The following BTBD16 variants were observed in gnomAD, a reference collection of about 807,000 sequenced individuals.
BTBD16 encodes BTB domain containing 16.
BTBD16 carries 66 observed loss-of-function variants against 67.4 expected under a neutral mutation model. That is an observed-to-expected ratio of 0.98 (90% CI 0.80 to 1.20). The LOEUF is 1.20. BTBD16 is among the 50% of genes most tolerant of loss of function. The pLI is 0.00. For synonymous variants in BTBD16, 242 were observed against 236.4 expected (o/e 1.02, Z -0.22); for missense variants, 634 against 616.0 (o/e 1.03, Z -0.31).
intron 10 of BTBD16, among the ~76,000 whole-genome samples, chr10:122,323,462 A>T (rs1469862205): frequency 6.6e-6 from 1 of 152,114 alleles, no homozygotes; most frequent in Non-Finnish European, 1.5e-5. Context: ...GTGTCCTTTT[A>T]TGGTATGTGG....
intron 10 of BTBD16, among the ~76,000 whole-genome samples, chr10:122,324,147 C>T (rs1420625750): frequency 6.6e-6 from 1 of 152,214 alleles, no homozygotes; most frequent in Non-Finnish European, 1.5e-5. Flanking sequence ...CAGAGCTTGA[C>T]AAAGCCGGTT....
chr10:122,336,802 G>T, intron 15 of BTBD16, 120 bp downstream of exon 15: 1 of 875,690 alleles, frequency 1.1e-6, no homozygotes, highest in South Asian at 2.4e-5. Context: ...GGAAAATCTG[G>T]CTCAGTTTCT....
chr10:122,314,144 T>A (rs1157293164), intron 10 of BTBD16, among the ~76,000 whole-genome samples: 1 of 152,196 alleles, frequency 6.6e-6, no homozygotes, highest in Non-Finnish European at 1.5e-5. Context: ...AATATGTAGA[T>A]CAATTTGGGG....
intron 12 of BTBD16, 140 bp downstream of exon 12, chr10:122,331,398 T>C (rs2096454891): frequency 1.5e-6 from 2 of 1,290,412 alleles, no homozygotes; most frequent in Admixed American, 6.9e-5. Context: ...CCAGGGAAAG[T>C]GGGGAGAGCA....
At chr10:122,277,189 C>T (rs12256303) in intron 3 of BTBD16, among the ~76,000 whole-genome samples, 7,953 of 149,454 alleles carry the variant, frequency 0.053, 702 homozygotes, top group African/African-American at 0.18. Flanking sequence ...ATTTTTCTTC[C>T]CAGTGGGAAC....
chr10:122,278,881 C>T (rs1334087852), intron 3 of BTBD16, among the ~76,000 whole-genome samples: 1 of 152,196 alleles, frequency 6.6e-6, no homozygotes, highest in Non-Finnish European at 1.5e-5. Context: ...GCCTCTTGTC[C>T]TCCTCCTGAG....
chr10:122,291,299 C>T, intron 7 of BTBD16, 105 bp downstream of exon 7: 1 of 1,379,414 alleles, frequency 7.2e-7, no homozygotes, highest in Non-Finnish European at 9.6e-7. Context: ...GGCTAAGACA[C>T]CTCAGGTGTC....
intron 9 of BTBD16, among the ~76,000 whole-genome samples, chr10:122,302,384 G>A (rs989953518): frequency 1.2e-4 from 19 of 152,156 alleles, no homozygotes; most frequent in African/African-American, 4.3e-4. Context: ...TCCAAGTTCT[G>A]TTTTTCTGGA....
chr10:122,297,205 T>G (rs1295023078), intron 7 of BTBD16, among the ~76,000 whole-genome samples: 1 of 152,252 alleles, frequency 6.6e-6, no homozygotes. Flanking sequence ...CCATCAGTTT[T>G]GTTCTTTGCA....
intron 9 of BTBD16, among the ~76,000 whole-genome samples, chr10:122,304,459 T>C (rs2096399615): frequency 6.6e-6 from 1 of 151,750 alleles, no homozygotes; most frequent in African/African-American, 2.4e-5. Flanking sequence ...AATGTTGAAA[T>C]GGCTCCATAG....
intron 9 of BTBD16, among the ~76,000 whole-genome samples, chr10:122,302,602 T>C (rs1234825363): frequency 6.6e-6 from 1 of 152,260 alleles, no homozygotes; most frequent in Non-Finnish European, 1.5e-5. Context: ...ATCTGTCCCA[T>C]GGCTTTGCCC....
In BTBD16 at chr10:122,278,980, C is replaced by G. The variant is rs78365323; in HGVS notation, c.167+2041C>G. Among the ~76,000 whole-genome samples, 3 of 152,304 alleles carry G rather than the reference C, an allele frequency of 2.0e-5. No homozygotes were observed. In the East Asian group the frequency reaches 5.8e-4, roughly 29 times the overall value. ...GGAGCTCATGTGTCTTTCAAATCTT[C>G]CACCATTTCACATTCACTAGGCCCC... On this transcript the variant is annotated intron_variant, in intron 3 of 15. Transcript: ENST00000260723.
intron 10 of BTBD16, among the ~76,000 whole-genome samples, chr10:122,322,286 G>A (rs116461579): frequency 2.5e-4 from 38 of 151,916 alleles, no homozygotes; most frequent in African/African-American, 8.4e-4. Context: ...TGATTTCCAG[G>A]CTTTCTTCTT....
At chr10:122,293,522 G>A (rs1367898189) in intron 7 of BTBD16, among the ~76,000 whole-genome samples, 1 of 152,148 alleles carries the variant, frequency 6.6e-6, no homozygotes, top group Admixed American at 6.5e-5. Context: ...CAGACTGTGG[G>A]GTTAGGTGGC....
At chr10:122,275,216 T>C (rs2096337923) in intron 2 of BTBD16, 117 bp downstream of exon 2, 1 of 1,012,980 alleles carries the variant, frequency 9.9e-7, no homozygotes, top group East Asian at 2.4e-5. Context: ...TCAAGCATTA[T>C]TGGCTGACTC....
intron 9 of BTBD16, among the ~76,000 whole-genome samples, chr10:122,301,337 G>A (rs2096393539): frequency 6.6e-6 from 1 of 152,174 alleles, no homozygotes; most frequent in Non-Finnish European, 1.5e-5. Flanking sequence ...GGCAGAAAAA[G>A]AGGTCAAGAG....
At chr10:122,292,882 A>G (rs961821036) in intron 7 of BTBD16, among the ~76,000 whole-genome samples, 3 of 152,218 alleles carry the variant, frequency 2.0e-5, no homozygotes, top group Non-Finnish European at 2.9e-5. Context: ...AAGAAAGAGC[A>G]TTTCTTAGAA....
chr10:122,273,242 A>ATATATATATATATATATATATG (rs1166253104), intron 1 of BTBD16, among the ~76,000 whole-genome samples: 2 of 149,190 alleles, frequency 1.3e-5, no homozygotes, highest in Non-Finnish European at 3.0e-5. Flanking sequence ...ATATATATAT[A>ATATATATATATATATATATATG]TATACACACA....
chr10:122,310,410 AG>A (rs1184007514), intron 10 of BTBD16, among the ~76,000 whole-genome samples: 1 of 152,212 alleles, frequency 6.6e-6, no homozygotes, highest in Non-Finnish European at 1.5e-5. Flanking sequence ...CTGGCCTAGC[AG>A]GGCTGGTGGC....
Sources: allele counts gnomAD v4.1 joint callset (sites outside exome capture counted in the v4.1 genomes callset), GRCh38; gene constraint gnomAD v4.1.1; transcripts MANE v1.5; gene names NCBI Gene and HGNC (gene_info 2026-07-23, HGNC 2026-07-21).